The following BRAF variants were observed in gnomAD, a reference collection of about 807,000 sequenced individuals.
BRAF encodes B-Raf proto-oncogene, serine/threonine kinase, also known as serine/threonine-protein kinase B-raf.
BRAF carries 16 observed loss-of-function variants against 104.6 expected under a neutral mutation model. The ratio of observed to expected loss-of-function variants is 0.15; its 90% CI spans 0.10 to 0.23. The LOEUF (loss-of-function observed/expected upper bound fraction) is 0.23, where lower values mean the gene tolerates loss of function less well. Ranked by LOEUF, BRAF falls within the 10% of genes least tolerant of loss-of-function variation. The probability of loss-of-function intolerance (pLI) is 1.00; values close to 1 mark genes in which losing one functional copy is unlikely to be tolerated. For missense variants in BRAF, 541 were observed against 937.3 expected, an observed-to-expected ratio of 0.58 and a Z score of 5.52; for synonymous variants, 310 against 341.6, an observed-to-expected ratio of 0.91 and a Z score of 1.02.
At chr7:140,865,357 C>T (rs1250337027) in intron 1 of BRAF, among the ~76,000 whole-genome samples, 1 of 152,114 alleles carries the variant, frequency 6.6e-6, no homozygotes, top group Non-Finnish European at 1.5e-5. Flanking sequence ...TGGGATTACA[C>T]ACATGAGCCA....
intron 1 of BRAF, among the ~76,000 whole-genome samples, chr7:140,910,833 C>G (rs1053484705): frequency 1.3e-5 from 2 of 152,068 alleles, no homozygotes; most frequent in Admixed American, 6.6e-5. Flanking sequence ...CCACCACACT[C>G]AGCTAATTTT....
chr7:140,907,462 T>C (rs1427448717), intron 1 of BRAF, among the ~76,000 whole-genome samples: 1 of 152,104 alleles, frequency 6.6e-6, no homozygotes, highest in Non-Finnish European at 1.5e-5. Flanking sequence ...GGGGTTTCAC[T>C]GTGTTAGCCA....
chr7:140,715,590 T>TTTTG (rs1795113688), downstream of BRAF, among the ~76,000 whole-genome samples: 1 of 152,262 alleles, frequency 6.6e-6, no homozygotes, highest in African/African-American at 2.4e-5. Context: ...AAGAGCATTC[T>TTTTG]TTTGTTTAAA....
Position 140,850,226 on chromosome 7 carries a change from C to A in BRAF, c.139-14G>T. On this transcript the variant is annotated splice_polypyrimidine_tract_variant and intron_variant, in intron 1 of 19. Coordinates refer to ENST00000644969, the MANE Select transcript of BRAF (RefSeq NM_001374258.1). Reference sequence around the variant, plus strand: ...GATATTCCACACCTAAAAAATATTTCAAAAGAATTTAAATAAAAATCACTT... The same window carrying A: ...GATATTCCACACCTAAAAAATATTTAAAAAGAATTTAAATAAAAATCACTT... The A allele has an allele frequency of 6.4e-7, 1 of 1,555,632 alleles. No homozygotes were observed. The highest frequency in any genetic ancestry group is 8.8e-7 in the Non-Finnish European group (1 of 1,130,034).
At chr7:140,806,604 T>A (rs17623204) in intron 5 of BRAF, among the ~76,000 whole-genome samples, 8,590 of 152,260 alleles carry the variant, frequency 0.056, 291 homozygotes, top group South Asian at 0.11. Context: ...TCATATTCAA[T>A]TTCTAGCTAA....
rs144512705 is a variant in BRAF at position 140,905,771 on chromosome 7, T to C, written c.138+18795A>G. Among the ~76,000 whole-genome samples, 38 of 152,308 alleles carry C rather than the reference T, an allele frequency of 2.5e-4. 1 individual carries two copies. In the East Asian group the frequency reaches 7.1e-3, roughly 29 times the overall value. On this transcript the variant is annotated intron_variant, in intron 1 of 19. Coordinates refer to ENST00000644969, the MANE Select transcript of BRAF (RefSeq NM_001374258.1). ...GTTGAGAAGTTAAAAGTCTGGTTTCTACATTTTTAGAAGATAACTTAGAAA... is the reference window on the plus strand; with the variant it reads ...GTTGAGAAGTTAAAAGTCTGGTTTCCACATTTTTAGAAGATAACTTAGAAA...
In BRAF at chr7:140,739,922, A is replaced by C. The variant is rs2130900694; in HGVS notation, c.2137T>G (p.Tyr713Asp). 6.2e-7 allele frequency: 1 copy of C among 1,613,908 alleles called. No individual in the cohort carries two copies. The highest frequency in any genetic ancestry group is 8.5e-7 in the Non-Finnish European group (1 of 1,179,916). The change falls in exon 18 of 20, where the codon TAC (tyrosine) becomes GAC (aspartate). Residue 713 changes from tyrosine (Y) to aspartate (D), a missense_variant. By Grantham distance (160) the Tyr-to-Asp change is radical (BLOSUM62 -3). Transcript: ENST00000644969. ...ACCTTACTGAGATCTGGAGACAGGT[A>C]TCCTCGTCCCACCATAAAAATTATC... The part of the protein sequence containing the change: ...DQIIFMVGRG[Y>D]LSPDLSKVRS...
intron 13 of BRAF, 80 bp from the exon 13 acceptor site, chr7:140,777,168 G>T: frequency 6.9e-7 from 1 of 1,451,068 alleles, no homozygotes; most frequent in Non-Finnish European, 9.6e-7. Flanking sequence ...AAAGTAGTCT[G>T]TCGGTAAAAT....
At position 140,844,056 on chromosome 7, in the gene BRAF, C is replaced by T. The variant is rs1485432867; in HGVS notation, c.240+6055G>A. ...AAATTAAAAAATTCTAGTTATTAAT[C>T]GGAATTAGTTTAGCCTGTGCAGTCT... On this transcript the variant is annotated intron_variant, in intron 2 of 19. Transcript: ENST00000644969. 4.0e-5 allele frequency among the ~76,000 whole-genome samples: 6 copies of T among 151,790 alleles called. No homozygotes were observed. The South Asian group carries it at 6.2e-4, about 16-fold the overall frequency.
At chr7:140,760,223 G>A (rs1798561968) in intron 14 of BRAF, among the ~76,000 whole-genome samples, 2 of 152,190 alleles carry the variant, frequency 1.3e-5, no homozygotes, top group African/African-American at 4.8e-5. Flanking sequence ...GACCAGCCTG[G>A]CCAACATAGT....
chr7:140,762,494 G>C (rs1357435508), intron 14 of BRAF, among the ~76,000 whole-genome samples: 1 of 149,646 alleles, frequency 6.7e-6, no homozygotes, highest in Non-Finnish European at 1.5e-5. Flanking sequence ...AAAAGCAAGA[G>C]CAAACACATT....
In BRAF at chr7:140,834,312, C is replaced by T. The variant is rs1807089285; in HGVS notation, c.504+297G>A. The T allele has an allele frequency of 5.6e-6, 3 of 534,512 alleles. No homozygotes were observed. In the South Asian group the frequency reaches 7.9e-5, roughly 14 times the overall value. The allele number at this position is 534,512 out of a possible 1,614,324, so 33.1% of individuals were successfully genotyped here. On this transcript the variant is annotated intron_variant, in intron 3 of 19. Transcript: ENST00000644969. ...TACCTGACACACATTAGATAATGAA[C>T]AAGCTCAAGTCTTAAAATCCTGATT...
chr7:140,755,702 C>T (rs1014213181), intron 14 of BRAF, among the ~76,000 whole-genome samples: 2 of 152,004 alleles, frequency 1.3e-5, no homozygotes, highest in African/African-American at 4.8e-5. Flanking sequence ...TCACTGCTTA[C>T]AAAGTTCTGC....
At position 140,723,762 on chromosome 7, in the gene BRAF, T is replaced by C. The variant is rs1795440481; in HGVS notation, c.*2732A>G. ...ACTGCAGCCACTTTACAGACAAGACTGTTACACCCTTACAAGATGATCAGT... is the reference window on the plus strand; with the variant it reads ...ACTGCAGCCACTTTACAGACAAGACCGTTACACCCTTACAAGATGATCAGT... On this transcript the variant is annotated 3_prime_UTR_variant, in exon 20 of 20. Transcript: ENST00000644969. The C allele has an allele frequency of 1.9e-6, 2 of 1,048,990 alleles. No homozygotes were observed. The highest frequency in any genetic ancestry group is 2.3e-6 in the Non-Finnish European group (2 of 868,948). 65.0% of individuals were successfully genotyped at this position (1,048,990 alleles called of 1,614,324 possible).
At chr7:140,897,159 C>T (rs1403063266) in intron 1 of BRAF, among the ~76,000 whole-genome samples, 1 of 150,466 alleles carries the variant, frequency 6.6e-6, no homozygotes, top group Non-Finnish European at 1.5e-5. Flanking sequence ...ATGTTTGCCG[C>T]AAATAAACAA....
At chr7:140,879,715 T>C (rs1244693040) in intron 1 of BRAF, among the ~76,000 whole-genome samples, 1 of 149,196 alleles carries the variant, frequency 6.7e-6, no homozygotes, top group Non-Finnish European at 1.5e-5. Context: ...AAGGTTAGGG[T>C]GACTGTGGCA....
intron 5 of BRAF, among the ~76,000 whole-genome samples, chr7:140,804,942 A>G (rs758736892): frequency 6.6e-6 from 1 of 152,000 alleles, no homozygotes; most frequent in African/African-American, 2.4e-5. Flanking sequence ...AGCCAAGGCT[A>G]TTGGTGCACA....
intron 3 of BRAF, among the ~76,000 whole-genome samples, chr7:140,830,948 G>A (rs1040745784): frequency 1.3e-5 from 2 of 152,156 alleles, no homozygotes; most frequent in Non-Finnish European, 2.9e-5. Context: ...TCTAGCAAAT[G>A]ATCAAAGATT....
At chr7:140,884,429 A>ATGTGTG (rs71170770) in intron 1 of BRAF, among the ~76,000 whole-genome samples, 2,159 of 127,464 alleles carry the variant, frequency 0.017, 23 homozygotes, top group East Asian at 0.047. Context: ...TATATAAGAT[A>ATGTGTG]TGTGTGTGTG....
Sources: gnomAD v4.1 joint callset for allele counts (sites outside exome capture counted in the v4.1 genomes callset) on GRCh38, gnomAD v4.1.1 for gene constraint, MANE v1.5 for transcripts, NCBI Gene and HGNC (gene_info 2026-07-23, HGNC 2026-07-21) for gene names.